Variants in JAKMIP2 observed in about 807,000 individuals in gnomAD.
The protein encoded by JAKMIP2 is janus kinase and microtubule interacting protein 2.
JAKMIP2 carries 25 observed loss-of-function variants against 115.0 expected under a neutral mutation model. The observed-to-expected ratio is 0.22, with a 90% CI of 0.16 to 0.30. The LOEUF (loss-of-function observed/expected upper bound fraction) is 0.30, where lower values mean the gene tolerates loss of function less well. Among genes scored for constraint, JAKMIP2 ranks in the 10% least tolerant of loss-of-function variants. The pLI, the probability that JAKMIP2 is intolerant of heterozygous loss-of-function variation, is 1.00. For synonymous variants in JAKMIP2, 334 were observed against 343.6 expected (o/e 0.97, Z 0.31); for missense variants, 642 against 957.6 (o/e 0.67, Z 4.35).
At chr5:147,668,893 C>A (rs904246925) in intron 2 of JAKMIP2, among the ~76,000 whole-genome samples, 4 of 152,154 alleles carry the variant, frequency 2.6e-5, no homozygotes, top group African/African-American at 9.7e-5. Context: ...AGTAAACATT[C>A]AATAAGTTGT....
intron 1 of JAKMIP2, among the ~76,000 whole-genome samples, chr5:147,698,911 G>A (rs1041622071): frequency 1.4e-4 from 22 of 152,140 alleles, no homozygotes; most frequent in Non-Finnish European, 2.9e-5. Context: ...TACTCTGTGG[G>A]CCATAGAAAA....
chr5:147,588,041 G>T lies in JAKMIP2; in HGVS notation c.*3666C>A, dbSNP rs1754947146. 6.6e-6 allele frequency: 1 copy of T among 151,938 alleles called. No homozygotes were observed. The highest frequency in any genetic ancestry group is 2.4e-5 in the African/African-American group (1 of 41,360). The allele number at this position is 151,938 out of a possible 1,614,324, so 9.4% of individuals were successfully genotyped here. Reference sequence around the variant, plus strand: ...TAATTTATATAGCATAAGTCAGAAGGGTTGTAATTTTTTTCAGCAAATTCT... The same window carrying T: ...TAATTTATATAGCATAAGTCAGAAGTGTTGTAATTTTTTTCAGCAAATTCT... On this transcript the variant is annotated 3_prime_UTR_variant, in exon 22 of 22. Coordinates refer to ENST00000616793, the MANE Select transcript of JAKMIP2 (RefSeq NM_001270941.2).
chr5:147,648,302 T>A (rs1758229933), intron 5 of JAKMIP2, 74 bp downstream of exon 5: 1 of 786,446 alleles, frequency 1.3e-6, no homozygotes, highest in Admixed American at 1.9e-5. Flanking sequence ...ATGGTACGTA[T>A]CTATAACATA....
intron 1 of JAKMIP2, among the ~76,000 whole-genome samples, chr5:147,701,820 T>C (rs969590553): frequency 2.6e-5 from 4 of 152,212 alleles, no homozygotes; most frequent in Admixed American, 2.0e-4. Flanking sequence ...GCCTTGATCC[T>C]GGACTTATCA....
At chr5:147,744,973 G>T (rs1293738686) in intron 1 of JAKMIP2, among the ~76,000 whole-genome samples, 1 of 150,788 alleles carries the variant, frequency 6.6e-6, no homozygotes, top group African/African-American at 2.4e-5. Flanking sequence ...CAGGAGAATC[G>T]CTTGAACCGG....
intron 1 of JAKMIP2, among the ~76,000 whole-genome samples, chr5:147,682,575 A>G (rs1455381480): frequency 1.3e-5 from 2 of 152,216 alleles, no homozygotes; most frequent in Non-Finnish European, 2.9e-5. Context: ...TGTGTTATTC[A>G]TCTTTGTGCT....
At chr5:147,695,592 C>A (rs1432540701) in intron 1 of JAKMIP2, among the ~76,000 whole-genome samples, 3 of 151,806 alleles carry the variant, frequency 2.0e-5, no homozygotes, top group African/African-American at 7.3e-5. Flanking sequence ...TAGCTTCTGA[C>A]CAGCAAGTAA....
At chr5:147,651,056 A>G (rs1758372064) in intron 3 of JAKMIP2, among the ~76,000 whole-genome samples, 2 of 151,942 alleles carry the variant, frequency 1.3e-5, no homozygotes, top group African/African-American at 4.8e-5. Context: ...CAAGACTAAC[A>G]TGCTTGCATT....
chr5:147,702,608 GAAAGAAAGAAAGAAA>G (rs1752393291), intron 1 of JAKMIP2, among the ~76,000 whole-genome samples: 1 of 14,848 alleles, frequency 6.7e-5, no homozygotes, highest in Non-Finnish European at 1.9e-4. Context: ...AAGAAGGAAA[GAAAGAAAGAAAGAAA>G]GAAAGAAAGA....
intron 2 of JAKMIP2, among the ~76,000 whole-genome samples, chr5:147,667,891 T>C (rs949237519): frequency 1.3e-5 from 2 of 152,122 alleles, no homozygotes; most frequent in East Asian, 1.9e-4. Flanking sequence ...CTAGAGGCAA[T>C]AGATGCCTTG....
At chr5:147,714,320 A>G (rs987378406) in intron 1 of JAKMIP2, among the ~76,000 whole-genome samples, 7 of 152,196 alleles carry the variant, frequency 4.6e-5, no homozygotes, top group African/African-American at 1.7e-4. Context: ...AGAAGTTATA[A>G]AACAGAAAAA....
intron 3 of JAKMIP2, among the ~76,000 whole-genome samples, chr5:147,654,129 TG>T (rs141557036): frequency 0.25 from 38,303 of 152,000 alleles, 6,090 homozygotes; most frequent in East Asian, 0.46. Flanking sequence ...TAGTAGAGTT[TG>T]AAGTCAGGTA....
rs1032943176 is a variant in JAKMIP2, at chr5:147,782,394, T to C, written c.-149+62A>G. On this transcript the variant is annotated intron_variant, in intron 1 of 21. Transcript: ENST00000616793. Reference sequence around the variant, plus strand: ...ATTGTTCAAGTTCAGGCCAGAAATGTATACACAGGTCAAATAAGAACACTC... The same window carrying C: ...ATTGTTCAAGTTCAGGCCAGAAATGCATACACAGGTCAAATAAGAACACTC... 9.6e-5 allele frequency: 144 copies of C among 1,501,178 alleles called. 1 individual carries two copies. In the South Asian group the frequency reaches 1.5e-3, roughly 16 times the overall value. 93.0% of individuals were successfully genotyped at this position (1,501,178 alleles called of 1,614,324 possible).
intron 2 of JAKMIP2, 154 bp from the exon 3 acceptor site, chr5:147,661,599 G>A: frequency 1.5e-6 from 1 of 681,054 alleles, no homozygotes; most frequent in African/African-American, 1.8e-5. Flanking sequence ...TACAGGCCTT[G>A]AAGCTGGGAA....
intron 8 of JAKMIP2, 83 bp from the exon 9 acceptor site, chr5:147,640,906 G>C: frequency 8.1e-7 from 1 of 1,241,618 alleles, no homozygotes; most frequent in Non-Finnish European, 1.1e-6. Flanking sequence ...ACTGGCATAC[G>C]TGTAAGTGAA....
intron 1 of JAKMIP2, among the ~76,000 whole-genome samples, chr5:147,685,485 G>C (rs2126844743): frequency 6.6e-6 from 1 of 152,266 alleles, no homozygotes. Context: ...AAAATTGTAG[G>C]TGGTAAATAG....
chr5:147,737,342 T>C (rs1438453878), intron 1 of JAKMIP2, among the ~76,000 whole-genome samples: 1 of 152,196 alleles, frequency 6.6e-6, no homozygotes, highest in Non-Finnish European at 1.5e-5. Flanking sequence ...AAGTACTTTT[T>C]CCTATAGACA....
intron 1 of JAKMIP2, among the ~76,000 whole-genome samples, chr5:147,749,743 C>T (rs1754482845): frequency 6.6e-6 from 1 of 152,154 alleles, no homozygotes; most frequent in Non-Finnish European, 1.5e-5. Flanking sequence ...AAATATTTTG[C>T]ATATATGCTA....
intron 20 of JAKMIP2, among the ~76,000 whole-genome samples, chr5:147,606,927 C>T (rs967710341): frequency 1.5e-4 from 23 of 152,082 alleles, no homozygotes; most frequent in Non-Finnish European, 2.6e-4. Flanking sequence ...GTATTTTATT[C>T]TCCTTGTAGC....
Sources: gnomAD v4.1 joint callset for allele counts (sites outside exome capture counted in the v4.1 genomes callset) on GRCh38, gnomAD v4.1.1 for gene constraint, MANE v1.5 for transcripts, NCBI Gene and HGNC (gene_info 2026-07-23, HGNC 2026-07-21) for gene names.